CBR4: variants seen among roughly 807,000 people sequenced by gnomAD.
The protein encoded by CBR4 is carbonyl reductase 4.
In CBR4, 22 loss-of-function variants were observed where a neutral mutation model predicts 21.0. That is an observed-to-expected ratio of 1.05 (90% CI 0.75 to 1.50). CBR4 has a LOEUF of 1.50. CBR4 is among the 40% of genes most tolerant of loss of function. CBR4 has a pLI of 0.00. For synonymous variants in CBR4, 100 were observed against 104.4 expected (o/e 0.96, Z 0.26); for missense variants, 302 against 286.3 (o/e 1.05, Z -0.40).
At chr4:168,900,865 A>T (rs910797351) in intron 2 of CBR4, among the ~76,000 whole-genome samples, 2 of 152,362 alleles carry the variant, frequency 1.3e-5, no homozygotes, top group African/African-American at 4.8e-5. Flanking sequence ...ATAAGGAATT[A>T]TATCTTGAAC....
At chr4:168,998,446 CAT>C (rs1369094926) in intron 4 of CBR4, among the ~76,000 whole-genome samples, 1 of 152,104 alleles carries the variant, frequency 6.6e-6, no homozygotes, top group East Asian at 1.9e-4. Flanking sequence ...CCAAATATTA[CAT>C]GATTCAATTT....
chr4:169,001,872 C>G (rs1730473204), intron 4 of CBR4, 199 bp downstream of exon 4: 4 of 372,294 alleles, frequency 1.1e-5, no homozygotes, highest in Non-Finnish European at 1.9e-5. Context: ...TAGAGCAATG[C>G]AAACAGGCTA....
At chr4:169,005,929 C>A (rs1217986503) in intron 3 of CBR4, 1 of 1,281,598 alleles carries the variant, frequency 7.8e-7, no homozygotes, top group African/African-American at 1.5e-5. Context: ...TAAGGTATTA[C>A]CATTTGAAAA....
chr4:168,932,387 T>C (rs1345082030), intron 2 of CBR4, among the ~76,000 whole-genome samples: 1 of 151,002 alleles, frequency 6.6e-6, no homozygotes, highest in East Asian at 1.9e-4. Flanking sequence ...AAATAACTCA[T>C]GCAGACAAAA....
At chr4:168,959,687 T>C (rs953576880) in intron 2 of CBR4, among the ~76,000 whole-genome samples, 1 of 150,268 alleles carries the variant, frequency 6.7e-6, no homozygotes, top group African/African-American at 2.5e-5. Context: ...TGCCTCAGCC[T>C]CCTGAGTAGC....
intron 2 of CBR4, among the ~76,000 whole-genome samples, chr4:168,910,192 T>C (rs959650988): frequency 6.6e-6 from 1 of 151,462 alleles, no homozygotes; most frequent in Non-Finnish European, 1.5e-5. Flanking sequence ...ATGTGTGACC[T>C]TTCCAGAGTA....
At chr4:168,926,482 G>T in intron 2 of CBR4, 2 of 775,016 alleles carry the variant, frequency 2.6e-6, no homozygotes, top group South Asian at 2.2e-5. Flanking sequence ...ACATACCTTT[G>T]ACTATAAGAA....
intron 2 of CBR4, among the ~76,000 whole-genome samples, chr4:168,903,204 CAGT>C (rs1654472876): frequency 3.9e-5 from 6 of 152,140 alleles, no homozygotes; most frequent in Admixed American, 3.9e-4. Context: ...AGAAATAAAG[CAGT>C]AGTATTCCAC....
intron 4 of CBR4, 82 bp downstream of exon 4, chr4:169,001,989 G>A: frequency 3.3e-6 from 4 of 1,204,334 alleles, no homozygotes; most frequent in Non-Finnish European, 4.5e-6. Context: ...CTACCCAGAT[G>A]TCAATTACTA....
At chr4:168,956,717 T>C (rs1763699655) in intron 2 of CBR4, among the ~76,000 whole-genome samples, 1 of 151,670 alleles carries the variant, frequency 6.6e-6, no homozygotes, top group South Asian at 2.1e-4. Flanking sequence ...TTACAATAAG[T>C]GTAGGAAGGG....
intron 2 of CBR4, among the ~76,000 whole-genome samples, chr4:168,973,290 T>G (rs866976655): frequency 6.6e-6 from 1 of 152,234 alleles, no homozygotes; most frequent in Non-Finnish European, 1.5e-5. Context: ...ACTGGCTTCA[T>G]AGAATGATTT....
At chr4:168,950,204 G>A (rs1763501507) in intron 2 of CBR4, among the ~76,000 whole-genome samples, 3 of 152,100 alleles carry the variant, frequency 2.0e-5, no homozygotes, top group African/African-American at 7.2e-5. Flanking sequence ...TCCTTGAGGT[G>A]TGGCCTTAGA....
intron 2 of CBR4, among the ~76,000 whole-genome samples, chr4:168,977,545 C>G (rs1764409237): frequency 6.6e-6 from 1 of 152,174 alleles, no homozygotes; most frequent in South Asian, 2.1e-4. Flanking sequence ...ACTCTAAACT[C>G]TCTACCTAAG....
At chr4:168,923,760 A>T (rs950370076) in intron 2 of CBR4, among the ~76,000 whole-genome samples, 2 of 152,222 alleles carry the variant, frequency 1.3e-5, no homozygotes, top group African/African-American at 4.8e-5. Context: ...GCCCCCTTTA[A>T]ATTCTATGGC....
chr4:168,945,934 G>C (rs1264306636), intron 2 of CBR4, among the ~76,000 whole-genome samples: 2 of 152,116 alleles, frequency 1.3e-5, no homozygotes, highest in African/African-American at 4.8e-5. Context: ...ATTTTGGCCA[G>C]AAATAGGAAA....
intron 2 of CBR4, among the ~76,000 whole-genome samples, chr4:168,972,818 T>C (rs746378590): frequency 6.6e-6 from 1 of 152,226 alleles, no homozygotes; most frequent in African/African-American, 2.4e-5. Flanking sequence ...CTGTGTTGAA[T>C]AGAAGTAGTG....
intron 2 of CBR4, among the ~76,000 whole-genome samples, chr4:168,922,672 G>A (rs187330817): frequency 1.3e-5 from 2 of 152,326 alleles, no homozygotes; most frequent in Admixed American, 6.5e-5. Context: ...TAAAAATGTG[G>A]TAAATATGTG....
intron 4 of CBR4, among the ~76,000 whole-genome samples, chr4:168,996,438 T>TA (rs1220087965): frequency 7.4e-6 from 1 of 135,882 alleles, no homozygotes; most frequent in African/African-American, 2.7e-5. Flanking sequence ...TTCCCATTAC[T>TA]AACATCTTAC....
chr4:168,922,077 TTTTATA>T (rs1212285857), intron 2 of CBR4, among the ~76,000 whole-genome samples: 18 of 141,120 alleles, frequency 1.3e-4, no homozygotes, highest in Non-Finnish European at 2.4e-4. Context: ...ATATATAAAG[TTTTATA>T]TTTATATATA....
Sources: gnomAD v4.1 joint callset for allele counts (sites outside exome capture counted in the v4.1 genomes callset) on GRCh38, gnomAD v4.1.1 for gene constraint, MANE v1.5 for transcripts, NCBI Gene and HGNC (gene_info 2026-07-23, HGNC 2026-07-21) for gene names.